The following SPINK7 variants were observed in gnomAD, a reference collection of about 807,000 sequenced individuals.
SPINK7 encodes serine peptidase inhibitor Kazal type 7.
A neutral mutation model predicts 11.6 loss-of-function variants in SPINK7; 8 were observed. The observed-to-expected ratio is 0.69, with a 90% CI of 0.41 to 1.25. The LOEUF is 1.25. Ranked by LOEUF, SPINK7 falls within the 50% of genes most tolerant of loss-of-function variation. SPINK7 has a pLI of 0.01. For synonymous variants in SPINK7, 38 were observed against 35.3 expected, an observed-to-expected ratio of 1.08 and a Z score of -0.27; for missense variants, 113 against 99.3, an observed-to-expected ratio of 1.14 and a Z score of -0.58.
chr5:148,312,969 G>A (rs1276236756), intron 1 of SPINK7, among the ~76,000 whole-genome samples: 1 of 152,010 alleles, frequency 6.6e-6, no homozygotes, highest in Non-Finnish European at 1.5e-5. Context: ...TAATTAAAGT[G>A]TTTCCAACCA....
intron 1 of SPINK7, 126 bp downstream of exon 1, chr5:148,312,670 G>A (rs2113397570): frequency 3.3e-6 from 2 of 605,794 alleles, no homozygotes; most frequent in Non-Finnish European, 5.9e-6. Flanking sequence ...GTTTGTAATA[G>A]GATCTTATGT....
At position 148,315,843 on chromosome 5, in the gene SPINK7, C is replaced by T; in HGVS notation, c.*159C>T. On this transcript the variant is annotated 3_prime_UTR_variant, in exon 4 of 4. Coordinates refer to ENST00000274565, the MANE Select transcript of SPINK7 (RefSeq NM_032566.3). ...CTGAATGGAGAAAGTTTCTGTGCTACCCCTACAAACCCATGCCTCACTGAC... is the reference window on the plus strand; with the variant it reads ...CTGAATGGAGAAAGTTTCTGTGCTATCCCTACAAACCCATGCCTCACTGAC... 2.1e-6 allele frequency: 1 copy of T among 471,164 alleles called. No homozygotes were observed. The highest frequency in any genetic ancestry group is 3.9e-6 in the Non-Finnish European group (1 of 258,422). 29.2% of individuals were successfully genotyped at this position (471,164 alleles called of 1,614,324 possible).
intron 3 of SPINK7, among the ~76,000 whole-genome samples, chr5:148,314,915 G>T (rs1756910346): frequency 6.6e-6 from 1 of 152,112 alleles, no homozygotes; most frequent in South Asian, 2.1e-4. Flanking sequence ...TTTTGTTTAG[G>T]TATTTTCTTT....
chr5:148,313,971 G>A (rs941773954), intron 2 of SPINK7, 129 bp from the exon 3 acceptor site: 6 of 1,093,336 alleles, frequency 5.5e-6, no homozygotes, highest in Non-Finnish European at 8.1e-6. Context: ...GATAACACTA[G>A]TACTTAAAGA....
intron 1 of SPINK7, among the ~76,000 whole-genome samples, chr5:148,313,013 A>G (rs1258751574): frequency 2.6e-5 from 4 of 152,080 alleles, no homozygotes; most frequent in Non-Finnish European, 5.9e-5. Context: ...CTTTATGTCA[A>G]TTGGGAAGGA....
At position 148,312,529 on chromosome 5, in the gene SPINK7, T is replaced by C; in HGVS notation, c.46T>C (p.Phe16Leu). The change falls in exon 1 of 4, where the codon TTC becomes CTC. Residue 16 changes from phenylalanine to leucine, a missense_variant. Transcript: ENST00000274565. ...GLLLLCTVVY[F>L]CSSSEAASLS... ...CCTTCTGCTCTGTACAGTGGTCTAT[T>C]TCTGTAGCAGCTCAGGTAAGTTAAG... is the stretch of plus-strand genomic sequence containing the variant. 2 of 1,608,340 alleles carry C rather than the reference T, an allele frequency of 1.2e-6. No homozygotes were observed. Among genetic ancestry groups the C allele is most frequent in the Non-Finnish European group, 1.7e-6 (2 of 1,175,780 alleles).
intron 3 of SPINK7, among the ~76,000 whole-genome samples, chr5:148,315,087 T>G (rs1191283860): frequency 2.0e-5 from 3 of 152,188 alleles, no homozygotes; most frequent in African/African-American, 7.2e-5. Context: ...CGTTTTCATC[T>G]TTGTGATTAT....
chr5:148,313,882 G>A (rs370288315), intron 2 of SPINK7: 2 of 570,950 alleles, frequency 3.5e-6, no homozygotes, highest in Non-Finnish European at 3.1e-6. Context: ...TTAACGCCTA[G>A]CCCAGAAATG....
At position 148,315,657 on chromosome 5, in the gene SPINK7, T is replaced by A; in HGVS notation, c.231T>A (p.Val77=). 6.2e-7 allele frequency: 1 copy of A among 1,602,904 alleles called. No homozygotes were observed. The highest frequency in any genetic ancestry group is 8.5e-7 in the Non-Finnish European group (1 of 1,170,216). ...CCCTTAGGAAAAGTAATGGAAGAGT[T>A]CAGTTTCTTCACGATGGAAGTTGCT... ...CTESLKSNGR[V]QFLHDGSC The change falls in exon 4 of 4, where the codon GTT becomes GTA. Residue 77 remains valine, a synonymous_variant. Transcript: ENST00000274565.
intron 3 of SPINK7, among the ~76,000 whole-genome samples, chr5:148,315,374 T>C (rs1756915810): frequency 6.6e-6 from 1 of 152,078 alleles, no homozygotes; most frequent in Non-Finnish European, 1.5e-5. Context: ...GTACTCTTTC[T>C]TTGTTGTGTT....
At chr5:148,315,276 GTCC>G (rs1561761468) in intron 3 of SPINK7, among the ~76,000 whole-genome samples, 1 of 152,156 alleles carries the variant, frequency 6.6e-6, no homozygotes, top group Non-Finnish European at 1.5e-5. Context: ...CATGATGAAA[GTCC>G]TCCTCACTAA....
chr5:148,313,746 C>T (rs1454635467), intron 2 of SPINK7: 3 of 429,398 alleles, frequency 7.0e-6, no homozygotes, highest in Non-Finnish European at 1.2e-5. Context: ...TACTTACCAG[C>T]ATTTATCTTC....
rs1756902310 is a variant in SPINK7 at position 148,314,276 on chromosome 5, C to T, written c.212+52C>T. 3.8e-6 allele frequency: 6 copies of T among 1,590,708 alleles called. No individual in the cohort carries two copies. In the East Asian group the frequency reaches 6.7e-5, roughly 18 times the overall value. On this transcript the variant is annotated intron_variant, in intron 3 of 3. Coordinates refer to ENST00000274565, the MANE Select transcript of SPINK7 (RefSeq NM_032566.3). ...GATCTGGAGTCAGTGCTCTCTACTA[C>T]AAACGCTTCTACTTTCCAGGATCCA...
intron 3 of SPINK7, 30 bp from the exon 4 acceptor site, chr5:148,315,609 A>G: frequency 6.7e-7 from 1 of 1,499,070 alleles, no homozygotes; most frequent in Non-Finnish European, 9.3e-7. Context: ...TCTTGTGCTA[A>G]TGAATCTTGT....
intron 2 of SPINK7, chr5:148,313,754 T>C: frequency 2.3e-6 from 1 of 436,158 alleles, no homozygotes; most frequent in Non-Finnish European, 4.0e-6. Context: ...AGCATTTATC[T>C]TCAACAAGTT....
intron 3 of SPINK7, among the ~76,000 whole-genome samples, chr5:148,315,335 G>A (rs1452721291): frequency 1.3e-5 from 2 of 152,138 alleles, no homozygotes; most frequent in African/African-American, 4.8e-5. Flanking sequence ...AGGAAAAGCT[G>A]AGAGACAGGC....
At position 148,315,543 on chromosome 5, in the gene SPINK7, G is replaced by A. The variant is rs1166299821; in HGVS notation, c.213-96G>A. The stretch of plus-strand genomic sequence containing the variant: ...TCAGTTTCCTTATCTGTAAAATGAG[G>A]TGCTGCCTCATAATCTCTATAGTTC... On this transcript the variant is annotated intron_variant, in intron 3 of 3. Transcript: ENST00000274565. The A allele has an allele frequency of 1.8e-5, 12 of 662,696 alleles. No homozygotes were observed. In the South Asian group the frequency reaches 2.3e-4, roughly 13 times the overall value. The allele number at this position is 662,696 out of a possible 1,614,324, so 41.1% of individuals were successfully genotyped here. A position where few individuals can be genotyped will look rare whatever the true frequency, so the allele number is the denominator to read the frequency against.
At chr5:148,313,961 G>A in intron 2 of SPINK7, 139 bp from the exon 3 acceptor site, 2 of 981,598 alleles carry the variant, frequency 2.0e-6, no homozygotes, top group Admixed American at 4.4e-5. Context: ...TTGTCATAGT[G>A]ATAACACTAG....
At chr5:148,314,315 T>A in intron 3 of SPINK7, 91 bp downstream of exon 3, 2 of 1,402,948 alleles carry the variant, frequency 1.4e-6, no homozygotes, top group South Asian at 2.5e-5. Context: ...TAAATCTCTA[T>A]AAGCTGTAAT....
Sources: gnomAD v4.1 joint callset for allele counts (sites outside exome capture counted in the v4.1 genomes callset) on GRCh38, gnomAD v4.1.1 for gene constraint, MANE v1.5 for transcripts, NCBI Gene and HGNC (gene_info 2026-07-23, HGNC 2026-07-21) for gene names.